SLC35D4: variants seen among roughly 807,000 people sequenced by gnomAD.
The protein encoded by SLC35D4 is UDP-N-acetylglucosamine transporter SLC35D4.
chr18:23,317,826 G>A, the SLC35D4 span, among the ~76,000 whole-genome samples: 5 of 151,118 alleles, frequency 3.3e-5, no homozygotes, highest in African/African-American at 1.2e-4. Context: ...TGCAACCTCC[G>A]CCTCCACGGT....
chr18:23,365,696 G>C, the SLC35D4 span: 1 of 1,611,560 alleles, frequency 6.2e-7, no homozygotes, highest in Non-Finnish European at 8.5e-7. Context: ...AAGTAGTCAA[G>C]AAGTTTCCCC....
the SLC35D4 span, among the ~76,000 whole-genome samples, chr18:23,269,577 G>A: frequency 6.6e-6 from 1 of 152,224 alleles, no homozygotes; most frequent in Non-Finnish European, 1.5e-5. Flanking sequence ...TTGGAACTGG[G>A]TAACAGGCAG....
chr18:23,289,375 T>C, the SLC35D4 span, among the ~76,000 whole-genome samples: 1 of 152,218 alleles, frequency 6.6e-6, no homozygotes, highest in Admixed American at 6.5e-5. Flanking sequence ...TTCCGTTTAG[T>C]TTTTCAATTC....
chr18:23,437,916 AC>A, the SLC35D4 span: 8 of 1,538,956 alleles, frequency 5.2e-6, no homozygotes, highest in Non-Finnish European at 7.1e-6. Flanking sequence ...CCGCCGCCCG[AC>A]CCCCGCAGCA....
the SLC35D4 span, among the ~76,000 whole-genome samples, chr18:23,381,698 T>A: frequency 6.6e-6 from 1 of 152,192 alleles, no homozygotes; most frequent in African/African-American, 2.4e-5. Context: ...ATGGTGTTCA[T>A]TCAGTTATTT....
At chr18:23,263,297 GC>G in the SLC35D4 span, among the ~76,000 whole-genome samples, 3 of 152,210 alleles carry the variant, frequency 2.0e-5, no homozygotes, top group African/African-American at 7.2e-5. Flanking sequence ...GTCTTCTGAT[GC>G]CCTCAGTTAG....
At chr18:23,321,353 G>A in the SLC35D4 span, among the ~76,000 whole-genome samples, 1 of 152,024 alleles carries the variant, frequency 6.6e-6, no homozygotes, top group Non-Finnish European at 1.5e-5. Flanking sequence ...TTTTATACGT[G>A]CAAAAACAGA....
the SLC35D4 span, among the ~76,000 whole-genome samples, chr18:23,277,309 G>A: frequency 6.6e-6 from 1 of 151,920 alleles, no homozygotes; most frequent in Admixed American, 6.6e-5. Flanking sequence ...ATTATCAGAG[G>A]TTTCTGCTTT....
the SLC35D4 span, chr18:23,259,326 T>C: frequency 8.3e-6 from 1 of 120,198 alleles, no homozygotes; most frequent in Non-Finnish European, 1.9e-5. Context: ...CTCTGGGGAG[T>C]GGGGTGGGGG....
At chr18:23,252,066 A>G in the SLC35D4 span, among the ~76,000 whole-genome samples, 1 of 151,904 alleles carries the variant, frequency 6.6e-6, no homozygotes, top group Non-Finnish European at 1.5e-5. Flanking sequence ...AGCCTGGGCA[A>G]CAAAGTGAGA....
chr18:23,321,223 C>T, the SLC35D4 span, among the ~76,000 whole-genome samples: 1 of 152,188 alleles, frequency 6.6e-6, no homozygotes, highest in Non-Finnish European at 1.5e-5. Flanking sequence ...TGCTTAACAG[C>T]TCTCCAGTTT....
the SLC35D4 span, chr18:23,365,727 T>C: frequency 8.1e-7 from 1 of 1,240,062 alleles, no homozygotes. Context: ...ACCCCAGCTG[T>C]TCCCACACAT....
At chr18:23,363,711 G>A in the SLC35D4 span, among the ~76,000 whole-genome samples, 1 of 152,154 alleles carries the variant, frequency 6.6e-6, no homozygotes, top group African/African-American at 2.4e-5. Context: ...ACACTTAGTA[G>A]GCTCTTAAAT....
chr18:23,367,313 A>T, the SLC35D4 span, among the ~76,000 whole-genome samples: 1 of 151,944 alleles, frequency 6.6e-6, no homozygotes, highest in East Asian at 1.9e-4. Context: ...CTTGAAAAAA[A>T]ATTCCCTCCG....
At chr18:23,267,075 CAGA>C in the SLC35D4 span, among the ~76,000 whole-genome samples, 3 of 152,204 alleles carry the variant, frequency 2.0e-5, no homozygotes, top group African/African-American at 7.2e-5. Context: ...GGGCCTGACC[CAGA>C]AGAAGGTGCT....
the SLC35D4 span, among the ~76,000 whole-genome samples, chr18:23,279,970 G>T: frequency 2.0e-5 from 3 of 152,074 alleles, no homozygotes; most frequent in African/African-American, 7.3e-5. Flanking sequence ...CTCCTAAAGT[G>T]CTGGGATTAC....
chr18:23,420,555 T>G, the SLC35D4 span, among the ~76,000 whole-genome samples: 1 of 151,948 alleles, frequency 6.6e-6, no homozygotes, highest in African/African-American at 2.4e-5. Flanking sequence ...CTTATTATTT[T>G]TGTAGAGGTG....
At chr18:23,271,762 G>T in the SLC35D4 span, among the ~76,000 whole-genome samples, 22 of 152,262 alleles carry the variant, frequency 1.4e-4, 1 homozygote, top group South Asian at 4.4e-3. Flanking sequence ...TGAAGACTGA[G>T]TTGATCACCA....
the SLC35D4 span, among the ~76,000 whole-genome samples, chr18:23,288,599 G>A: frequency 2.6e-5 from 4 of 151,082 alleles, no homozygotes; most frequent in Admixed American, 1.3e-4. Flanking sequence ...AACATGCCCC[G>A]AGTCAGGAAA....
Sources: gnomAD v4.1 joint callset for allele counts (sites outside exome capture counted in the v4.1 genomes callset) on GRCh38, gnomAD v4.1.1 for gene constraint, MANE v1.5 for transcripts, NCBI Gene and HGNC (gene_info 2026-07-23, HGNC 2026-07-21) for gene names.